OR9Q1: variants seen among roughly 807,000 people sequenced by gnomAD.
OR9Q1 encodes olfactory receptor family 9 subfamily Q member 1, also known as olfactory receptor 9Q1.
For missense variants in OR9Q1, 374 were observed against 378.8 expected, an observed-to-expected ratio of 0.99 and a Z score of 0.11; for synonymous variants, 153 against 148.6, an observed-to-expected ratio of 1.03 and a Z score of -0.22.
chr11:58,064,010 A>G (rs908203825), intron 2 of OR9Q1, among the ~76,000 whole-genome samples: 14 of 152,266 alleles, frequency 9.2e-5, no homozygotes, highest in Admixed American at 6.5e-4. Flanking sequence ...CCCTCAGATC[A>G]TGGTTGGTTG....
chr11:58,179,180 G>A (rs1286218577), intron 2 of OR9Q1, among the ~76,000 whole-genome samples: 1 of 151,424 alleles, frequency 6.6e-6, no homozygotes, highest in Non-Finnish European at 1.5e-5. Context: ...TCACCACCAT[G>A]CATGGCTAAT....
At chr11:58,065,045 AAG>A (rs1275131076) in intron 2 of OR9Q1, among the ~76,000 whole-genome samples, 1 of 152,140 alleles carries the variant, frequency 6.6e-6, no homozygotes, top group Admixed American at 6.5e-5. Flanking sequence ...TTGTAGTGCA[AAG>A]AGAGGCTGAC....
At chr11:58,162,385 T>C (rs569187144) in intron 2 of OR9Q1, among the ~76,000 whole-genome samples, 3 of 152,364 alleles carry the variant, frequency 2.0e-5, no homozygotes, top group Admixed American at 2.0e-4. Flanking sequence ...CTTGCAACAG[T>C]AGCAAGGTTG....
intron 2 of OR9Q1, among the ~76,000 whole-genome samples, chr11:58,121,223 G>C (rs139560454): frequency 0.017 from 2,620 of 152,244 alleles, 27 homozygotes; most frequent in Non-Finnish European, 0.027. Context: ...TTATATTTGA[G>C]TCATGGAAAT....
intron 2 of OR9Q1, among the ~76,000 whole-genome samples, chr11:58,081,694 G>C (rs921967230): frequency 1.3e-5 from 2 of 151,034 alleles, no homozygotes; most frequent in Non-Finnish European, 2.9e-5. Flanking sequence ...ATTTGCCTAA[G>C]TTCTTTGTAG....
chr11:58,143,617 G>C (rs1854271435), intron 2 of OR9Q1, among the ~76,000 whole-genome samples: 1 of 152,144 alleles, frequency 6.6e-6, no homozygotes, highest in Non-Finnish European at 1.5e-5. Flanking sequence ...ACCAAACACT[G>C]CATGTCCTTA....
At chr11:58,025,089 A>T (rs979006478) in intron 1 of OR9Q1, among the ~76,000 whole-genome samples, 1 of 152,186 alleles carries the variant, frequency 6.6e-6, no homozygotes, top group African/African-American at 2.4e-5. Flanking sequence ...TATCAAGAAT[A>T]GTTCATAGGA....
At chr11:58,119,732 C>T (rs993344366) in intron 2 of OR9Q1, among the ~76,000 whole-genome samples, 1 of 152,092 alleles carries the variant, frequency 6.6e-6, no homozygotes, top group African/African-American at 2.4e-5. Context: ...TGGAAGAGAC[C>T]TAGACAGTAT....
At chr11:58,037,746 TCTCA>T (rs887990036) in intron 1 of OR9Q1, among the ~76,000 whole-genome samples, 3 of 109,332 alleles carry the variant, frequency 2.7e-5, no homozygotes, top group African/African-American at 3.6e-5. Context: ...TGAGACGGAG[TCTCA>T]CTCAGTCGCC....
chr11:58,037,355 A>G (rs952412912), intron 1 of OR9Q1, among the ~76,000 whole-genome samples: 3 of 152,066 alleles, frequency 2.0e-5, no homozygotes, highest in African/African-American at 7.2e-5. Context: ...TGCTTTATTC[A>G]CTTATTTCTG....
At chr11:58,105,998 G>C (rs1853836143) in intron 2 of OR9Q1, among the ~76,000 whole-genome samples, 1 of 152,040 alleles carries the variant, frequency 6.6e-6, no homozygotes. Context: ...GGGACTGCTG[G>C]ATCATTTGAT....
intron 2 of OR9Q1, among the ~76,000 whole-genome samples, chr11:58,105,331 C>T (rs933773507): frequency 2.2e-4 from 34 of 152,032 alleles, no homozygotes; most frequent in African/African-American, 8.0e-4. Flanking sequence ...TTAATTTATA[C>T]CTTTATTGAG....
intron 2 of OR9Q1, among the ~76,000 whole-genome samples, chr11:58,061,064 C>A (rs1853376407): frequency 6.6e-6 from 1 of 152,154 alleles, no homozygotes; most frequent in Non-Finnish European, 1.5e-5. Flanking sequence ...TTGTTGAGTG[C>A]ATGAGTGAAT....
At chr11:58,164,408 G>C (rs558749163) in intron 2 of OR9Q1, among the ~76,000 whole-genome samples, 16 of 152,234 alleles carry the variant, frequency 1.1e-4, no homozygotes, top group Admixed American at 4.6e-4. Flanking sequence ...CCACGTGTCT[G>C]GTTGCCCATG....
rs923028986 is a variant in OR9Q1 at position 58,165,000 on chromosome 11, A to G, written c.-14-14431A>G. Among the ~76,000 whole-genome samples, 7 of 152,166 alleles carry G rather than the reference A, an allele frequency of 4.6e-5. No individual in the cohort carries two copies. In the East Asian group the frequency reaches 5.8e-4, roughly 13 times the overall value. On this transcript the variant is annotated intron_variant, in intron 2 of 2. Coordinates refer to ENST00000335397, the MANE Select transcript of OR9Q1 (RefSeq NM_001005212.4). ...TAATGAGGCTTTCTCTGATAACCCT[A>G]TTGAAAATAGCAACCTCCTTAACTT... is the stretch of plus-strand genomic sequence containing the variant.
chr11:58,119,304 C>G, intron 2 of OR9Q1: 1 of 1,613,866 alleles, frequency 6.2e-7, no homozygotes, highest in Non-Finnish European at 8.5e-7. Flanking sequence ...CTTGGATTAA[C>G]ATAATCATCC....
At chr11:58,169,445 T>G (rs2119943851) in intron 2 of OR9Q1, among the ~76,000 whole-genome samples, 1 of 152,226 alleles carries the variant, frequency 6.6e-6, no homozygotes, top group East Asian at 1.9e-4. Flanking sequence ...GCCTCTTAAC[T>G]TTTTCATGGT....
intron 1 of OR9Q1, chr11:58,031,775 A>G: frequency 6.2e-7 from 1 of 1,614,024 alleles, no homozygotes; most frequent in Non-Finnish European, 8.5e-7. Context: ...CATCAACTTC[A>G]ACAAGGTGGT....
At chr11:58,174,177 A>G (rs1193085205) in intron 2 of OR9Q1, among the ~76,000 whole-genome samples, 1 of 152,148 alleles carries the variant, frequency 6.6e-6, no homozygotes, top group Non-Finnish European at 1.5e-5. Flanking sequence ...GTCTTGTGGG[A>G]CATGAGTAGA....
Sources: allele counts gnomAD v4.1 joint callset (sites outside exome capture counted in the v4.1 genomes callset), GRCh38; gene constraint gnomAD v4.1.1; transcripts MANE v1.5; gene names NCBI Gene and HGNC (gene_info 2026-07-23, HGNC 2026-07-21).